The following SLC26A11 variants were observed in gnomAD, a reference collection of about 807,000 sequenced individuals.
SLC26A11 encodes the protein sodium-independent sulfate anion transporter.
Under a neutral mutation model 62.2 loss-of-function variants are expected in SLC26A11, and 58 were observed. The observed-to-expected ratio is 0.93, with a 90% CI of 0.76 to 1.16. The LOEUF (loss-of-function observed/expected upper bound fraction) is 1.16. Ranked by LOEUF, SLC26A11 falls within the 50% of genes most tolerant of loss-of-function variation. SLC26A11 has a pLI of 0.00. For missense variants in SLC26A11, 790 were observed against 794.3 expected (o/e 0.99, Z 0.06); for synonymous variants, 411 against 368.9 (o/e 1.11, Z -1.31).
intron 14 of SLC26A11, 95 bp downstream of exon 14, chr17:80,248,352 G>C: frequency 6.8e-7 from 1 of 1,478,884 alleles, no homozygotes; most frequent in Non-Finnish European, 9.0e-7. Context: ...TTGTGGTCGT[G>C]GGTGCTGCTG....
chr17:80,251,777 C>CA (rs1020356950), intron 17 of SLC26A11, among the ~76,000 whole-genome samples: 19 of 147,616 alleles, frequency 1.3e-4, no homozygotes, highest in East Asian at 1.2e-3. Flanking sequence ...AAAAAAAAAA[C>CA]AAAAAAAACA....
rs1555629117 is a variant in SLC26A11, at chr17:80,238,811, G to GGTTTTTTT, written c.985+1217_985+1218insGTTTTTTT. ...TCTAACCCTTACCCCCTTCAAAGGA[G>GGTTTTTTT]TTTTTTTTGTTTTTTGTTTTTTTTT... On this transcript the variant is annotated intron_variant, in intron 9 of 17. Transcript: ENST00000361193. Among the ~76,000 whole-genome samples the GGTTTTTTT allele has an allele frequency of 1.3e-3, 158 of 123,256 alleles. 6 individuals carry two copies. The highest frequency in any genetic ancestry group is 5.2e-3 in the African/African-American group (153 of 29,224). The allele number at this position is 123,256 out of a possible 152,430, so 80.9% of individuals were successfully genotyped here. A position where few individuals can be genotyped will look rare whatever the true frequency, so the allele number is the denominator to read the frequency against.
intron 10 of SLC26A11, among the ~76,000 whole-genome samples, chr17:80,243,549 C>G (rs992650026): frequency 6.6e-6 from 1 of 152,192 alleles, no homozygotes; most frequent in Non-Finnish European, 1.5e-5. Flanking sequence ...AGGCACCTGC[C>G]CCTGAGCCTG....
At chr17:80,224,434 TGG>T (rs1300439900) in intron 5 of SLC26A11, among the ~76,000 whole-genome samples, 1 of 118,166 alleles carries the variant, frequency 8.5e-6, no homozygotes, top group African/African-American at 3.5e-5. Context: ...AGAGTGGGTG[TGG>T]GTGTGAGAGT....
chr17:80,245,455 C>T, intron 11 of SLC26A11, 199 bp downstream of exon 11: 1 of 580,990 alleles, frequency 1.7e-6, no homozygotes, highest in Non-Finnish European at 3.1e-6. Flanking sequence ...CCTGCAGTTT[C>T]ATACTAGAAA....
Position 80,246,383 on chromosome 17 carries a change from G to T in SLC26A11, c.1154-126G>T. On this transcript the variant is annotated intron_variant, in intron 12 of 17. Transcript: ENST00000361193. The surrounding 1 kb of genome is among the most constrained non-coding windows in gnomAD (Gnocchi z 4.4). ...ACAGGAGACTGAGCAGGGGCTGGGG[G>T]CCTTGGCAGTCGTCGCCCTACCCCC... The T allele has an allele frequency of 1.4e-6, 2 of 1,441,008 alleles. No homozygotes were observed. Among genetic ancestry groups the T allele is most frequent in the Non-Finnish European group, 1.9e-6 (2 of 1,068,188 alleles). 89.3% of individuals were successfully genotyped at this position (1,441,008 alleles called of 1,614,324 possible). A position where few individuals can be genotyped will look rare whatever the true frequency, so the allele number is the denominator to read the frequency against.
intron 15 of SLC26A11, 90 bp from the exon 16 acceptor site, chr17:80,249,064 C>T: frequency 1.4e-6 from 2 of 1,473,674 alleles, no homozygotes; most frequent in Non-Finnish European, 1.8e-6. Context: ...CTCTCTGTCC[C>T]CTGCCCCTGG....
At chr17:80,221,952 C>T in intron 3 of SLC26A11, 158 bp downstream of exon 3, 1 of 758,776 alleles carries the variant, frequency 1.3e-6, no homozygotes, top group East Asian at 2.7e-5. Context: ...TGGGCCGACC[C>T]AGGCTCCTAT....
At chr17:80,243,763 C>A (rs2042923181) in intron 10 of SLC26A11, among the ~76,000 whole-genome samples, 1 of 152,224 alleles carries the variant, frequency 6.6e-6, no homozygotes, top group Admixed American at 6.5e-5. Context: ...AGGGATACAA[C>A]ACAGACCGAG....
chr17:80,229,904 T>G (rs1389857981), intron 7 of SLC26A11, among the ~76,000 whole-genome samples: 1 of 152,032 alleles, frequency 6.6e-6, no homozygotes, highest in Non-Finnish European at 1.5e-5. Context: ...GGGGTCAGCT[T>G]AGAAGTCAAA....
chr17:80,249,194 C>T lies in SLC26A11; in HGVS notation c.1563C>T (p.Val521=). Residue 521 remains valine, a synonymous_variant, in exon 16 of 18, where the codon GTC becomes GTT. Transcript: ENST00000361193. ...PRCLVLECTH[V]CSIDYTVVLG... Reference sequence around the variant, plus strand: ...GCCTGGTCCTGGAGTGCACCCATGTCTGCAGCATCGACTACACTGTGGTGC... The same window carrying T: ...GCCTGGTCCTGGAGTGCACCCATGTTTGCAGCATCGACTACACTGTGGTGC... The T allele has an allele frequency of 6.2e-7, 1 of 1,610,580 alleles. No homozygotes were observed. The highest frequency in any genetic ancestry group is 2.1e-4 in the Middle Eastern group (1 of 4,828).
At position 80,252,762 on chromosome 17, in the gene SLC26A11, G is replaced by T. The variant is rs1673188411; in HGVS notation, c.*46G>T. 6.4e-7 allele frequency: 1 copy of T among 1,557,750 alleles called. No individual in the cohort carries two copies. Among genetic ancestry groups the T allele is most frequent in the Non-Finnish European group, 8.8e-7 (1 of 1,135,402 alleles). On this transcript the variant is annotated 3_prime_UTR_variant, in exon 18 of 18. Transcript: ENST00000361193. The surrounding 1 kb of genome is among the most constrained non-coding windows in gnomAD (Gnocchi z 5.2). ...CACAGTTTGCAGGGTGTTCCGGAAG[G>T]TTCTTGTCACTGTGATTGGATGCTG...
intron 9 of SLC26A11, among the ~76,000 whole-genome samples, chr17:80,239,054 C>T (rs1598822927): frequency 6.7e-6 from 1 of 150,282 alleles, no homozygotes; most frequent in African/African-American, 2.5e-5. Context: ...CTCAAGTGAT[C>T]TGCCCACCTG....
chr17:80,238,428 C>T (rs2042758543), intron 9 of SLC26A11, among the ~76,000 whole-genome samples: 1 of 152,160 alleles, frequency 6.6e-6, no homozygotes, highest in Non-Finnish European at 1.5e-5. Context: ...AACTCCTAAA[C>T]ATTGAGCAAC....
intron 9 of SLC26A11, among the ~76,000 whole-genome samples, chr17:80,241,212 A>G (rs1469525096): frequency 2.6e-4 from 39 of 152,218 alleles, no homozygotes; most frequent in Admixed American, 2.6e-3. Context: ...AAGAAGAGAC[A>G]AATCACCCAT....
intron 5 of SLC26A11, among the ~76,000 whole-genome samples, chr17:80,224,637 G>A (rs901284718): frequency 4.6e-5 from 7 of 152,156 alleles, no homozygotes; most frequent in African/African-American, 1.4e-4. Flanking sequence ...TGATTTGTAC[G>A]TTATCTACAC....
Position 80,238,647 on chromosome 17 carries a change from CCTT to C in SLC26A11, c.985+1057_985+1059del, listed in dbSNP as rs1370509901. ...TTCTGTCTTGTCACCGTCATTTAGT[CCTT>C]CTTGCGTTTGGGTTTATGTTGATTC... On this transcript the variant is annotated intron_variant, in intron 9 of 17. Coordinates refer to ENST00000361193, the MANE Select transcript of SLC26A11 (RefSeq NM_001166347.2). Among the ~76,000 whole-genome samples the C allele has an allele frequency of 2.6e-5, 4 of 152,032 alleles. No homozygotes were observed. The South Asian group carries it at 6.2e-4, about 24-fold the overall frequency.
At chr17:80,234,369 A>G (rs1463608678) in intron 7 of SLC26A11, among the ~76,000 whole-genome samples, 2 of 152,204 alleles carry the variant, frequency 1.3e-5, no homozygotes. Context: ...GTGTGCTGTC[A>G]TTCTTTGTTC....
At chr17:80,238,798 C>T (rs2042768787) in intron 9 of SLC26A11, among the ~76,000 whole-genome samples, 1 of 150,824 alleles carries the variant, frequency 6.6e-6, no homozygotes, top group African/African-American at 2.5e-5. Flanking sequence ...TAACCCTTAC[C>T]CCCTTCAAAG....
Sources: gnomAD v4.1 joint callset for allele counts (sites outside exome capture counted in the v4.1 genomes callset) on GRCh38, gnomAD v4.1.1 for gene constraint, Gnocchi (gnomAD v3.1) non-coding constraint, MANE v1.5 for transcripts, NCBI Gene and HGNC (gene_info 2026-07-23, HGNC 2026-07-21) for gene names.